Variants in MAP3K13 observed in about 807,000 individuals in gnomAD.
MAP3K13 encodes mitogen-activated protein kinase kinase kinase 13, also known as leucine zipper-bearing kinase.
MAP3K13 carries 52 observed loss-of-function variants against 104.0 expected under a neutral mutation model. The ratio of observed to expected loss-of-function variants is 0.50; its 90% CI spans 0.40 to 0.63. MAP3K13 has a LOEUF of 0.63. Ranked by LOEUF, MAP3K13 falls within the 20% of genes least tolerant of loss-of-function variation. MAP3K13 has a pLI of 0.00. For synonymous variants in MAP3K13, 394 were observed against 442.2 expected, an observed-to-expected ratio of 0.89 and a Z score of 1.37; for missense variants, 914 against 1,218.5, an observed-to-expected ratio of 0.75 and a Z score of 3.72.
chr3:185,453,834 T>TGTG lies in MAP3K13; in HGVS notation c.1278+2439_1278+2440insGTG, dbSNP rs1560115582. The stretch of plus-strand genomic sequence containing the variant: ...ATGATACATATATATGAGATATATA[T>TGTG]ATATGATACATATATATGAGATATA... On this transcript the variant is annotated intron_variant, in intron 7 of 13. Coordinates refer to ENST00000265026, the MANE Select transcript of MAP3K13 (RefSeq NM_004721.5). Among the ~76,000 whole-genome samples, 36 of 24,968 alleles carry TGTG rather than the reference T, an allele frequency of 1.4e-3. 3 individuals carry two copies. Among genetic ancestry groups the TGTG allele is most frequent in the Admixed American group, 2.2e-3 (3 of 1,350 alleles). The allele number at this position is 24,968 out of a possible 152,430, so 16.4% of individuals were successfully genotyped here.
chr3:185,428,579 A>C lies in MAP3K13; in HGVS notation c.-3A>C. 6.3e-7 allele frequency: 1 copy of C among 1,577,370 alleles called. No homozygotes were observed. The highest frequency in any genetic ancestry group is 1.2e-5 in the South Asian group (1 of 85,448). On this transcript the variant is annotated 5_prime_UTR_variant, in exon 2 of 14. Coordinates refer to ENST00000265026, the MANE Select transcript of MAP3K13 (RefSeq NM_004721.5). ...TCAGGACTTTGGTTATACTCATGGC[A>C]CGATGGCCAACTTTCAGGAGCACCT...
intron 2 of MAP3K13, among the ~76,000 whole-genome samples, chr3:185,287,729 G>C (rs139657097): frequency 6.6e-6 from 1 of 152,210 alleles, no homozygotes; most frequent in Admixed American, 6.5e-5. Context: ...CTGCTAACTA[G>C]GGGTTGAGTC....
chr3:185,388,137 A>G (rs937287867), intron 1 of MAP3K13, among the ~76,000 whole-genome samples: 1 of 152,002 alleles, frequency 6.6e-6, no homozygotes. Flanking sequence ...AAAAAAAAAA[A>G]TCCCAACTAG....
At chr3:185,352,481 A>G (rs1723172666) in intron 2 of MAP3K13, among the ~76,000 whole-genome samples, 1 of 152,130 alleles carries the variant, frequency 6.6e-6, no homozygotes, top group South Asian at 2.1e-4. Context: ...AGGAGTGGGG[A>G]TCAAGGATTC....
intron 2 of MAP3K13, among the ~76,000 whole-genome samples, chr3:185,356,303 A>C (rs989303289): frequency 6.6e-6 from 1 of 152,224 alleles, no homozygotes; most frequent in Non-Finnish European, 1.5e-5. Context: ...GATGAAAGAG[A>C]ATCAATTAAT....
chr3:185,361,620 G>C (rs1206936863), upstream of MAP3K13, among the ~76,000 whole-genome samples: 1 of 152,132 alleles, frequency 6.6e-6, no homozygotes, highest in African/African-American at 2.4e-5. Flanking sequence ...TAGCCAGGAT[G>C]GTCTCGATCC....
At chr3:185,382,056 C>G (rs910349639) in intron 1 of MAP3K13, among the ~76,000 whole-genome samples, 15 of 152,198 alleles carry the variant, frequency 9.9e-5, no homozygotes, top group African/African-American at 3.6e-4. Flanking sequence ...AAAATGTACA[C>G]TAGTCCCCCC....
At chr3:185,419,936 A>G (rs1714022464) in intron 1 of MAP3K13, among the ~76,000 whole-genome samples, 1 of 152,186 alleles carries the variant, frequency 6.6e-6, no homozygotes, top group Non-Finnish European at 1.5e-5. Flanking sequence ...AAAGCCTACA[A>G]TAAACTTATT....
At chr3:185,294,343 T>C (rs1720845256) in intron 2 of MAP3K13, among the ~76,000 whole-genome samples, 1 of 152,218 alleles carries the variant, frequency 6.6e-6, no homozygotes, top group South Asian at 2.1e-4. Context: ...TGGTTGTGCT[T>C]TCCAATTCAT....
intron 2 of MAP3K13, among the ~76,000 whole-genome samples, chr3:185,335,867 G>A (rs544526590): frequency 1.3e-5 from 2 of 152,096 alleles, no homozygotes; most frequent in Non-Finnish European, 2.9e-5. Flanking sequence ...GGCTTGGCCT[G>A]CTCAGCCCTC....
intron 12 of MAP3K13, among the ~76,000 whole-genome samples, chr3:185,477,662 G>A (rs934552314): frequency 2.6e-5 from 4 of 152,178 alleles, no homozygotes; most frequent in African/African-American, 9.7e-5. Context: ...GAATACAGTG[G>A]GCAGTTTGTG....
intron 2 of MAP3K13, among the ~76,000 whole-genome samples, chr3:185,335,036 TA>T (rs71782020): frequency 0.28 from 39,945 of 143,964 alleles, 5,357 homozygotes; most frequent in South Asian, 0.35. Context: ...CCAGAAACCT[TA>T]AAAAAAAAAA....
In MAP3K13 at chr3:185,466,877, T is replaced by C. The variant is rs1398359898; in HGVS notation, c.1557T>C (p.Pro519=). 3 of 1,613,880 alleles carry C rather than the reference T, an allele frequency of 1.9e-6. No homozygotes were observed. The Admixed American group carries it at 5.0e-5, about 27-fold the overall frequency. The change falls in exon 10 of 14, where the codon CCT becomes CCC. Residue 519 remains proline, a synonymous_variant. Transcript: ENST00000265026. The stretch of plus-strand genomic sequence containing the variant: ...ATCCTGGGACCTACAAACGACACCC[T>C]GTTCGTCCTATCATCCATCCCAATG... ...KKYPGTYKRH[P]VRPIIHPNAM... is the part of the protein sequence containing the mutation.
At chr3:185,414,507 G>T (rs1713633087) in intron 1 of MAP3K13, among the ~76,000 whole-genome samples, 1 of 152,164 alleles carries the variant, frequency 6.6e-6, no homozygotes, top group Non-Finnish European at 1.5e-5. Flanking sequence ...CTCCGAACTT[G>T]AACCATCTAT....
intron 1 of MAP3K13, among the ~76,000 whole-genome samples, chr3:185,400,128 G>GA (rs1158167757): frequency 1.3e-5 from 2 of 152,120 alleles, no homozygotes; most frequent in South Asian, 2.1e-4. Context: ...CAGGAGAAAA[G>GA]AAAAAAATCC....
chr3:185,399,101 C>T (rs1052316424), intron 1 of MAP3K13, among the ~76,000 whole-genome samples: 2 of 152,054 alleles, frequency 1.3e-5, no homozygotes, highest in African/African-American at 4.8e-5. Flanking sequence ...CAAAGTGTGA[C>T]TCTTGGAAGA....
chr3:185,382,650 C>T (rs896690912), intron 1 of MAP3K13, among the ~76,000 whole-genome samples: 2 of 151,996 alleles, frequency 1.3e-5, no homozygotes, highest in African/African-American at 2.4e-5. Context: ...TTGGCACCAT[C>T]CTCATGGGAA....
At chr3:185,449,878 C>T (rs1211433154) in intron 5 of MAP3K13, 22 bp from the exon 6 acceptor site, 3 of 1,573,412 alleles carry the variant, frequency 1.9e-6, no homozygotes, top group Non-Finnish European at 2.6e-6. Context: ...ATCTTCTGTC[C>T]ATGTTCCCGG....
chr3:185,305,902 G>A (rs1346883375), intron 2 of MAP3K13, among the ~76,000 whole-genome samples: 1 of 152,144 alleles, frequency 6.6e-6, no homozygotes, highest in Non-Finnish European at 1.5e-5. Context: ...CCAATAGTTA[G>A]TGTTTCAACT....
Sources: allele counts gnomAD v4.1 joint callset (sites outside exome capture counted in the v4.1 genomes callset), GRCh38; gene constraint gnomAD v4.1.1; transcripts MANE v1.5; gene names NCBI Gene and HGNC (gene_info 2026-07-23, HGNC 2026-07-21).